Variants in RORA observed in about 807,000 individuals in gnomAD.
RORA encodes the protein nuclear receptor ROR-alpha.
In RORA, 7 loss-of-function variants were observed where a neutral mutation model predicts 69.5. The ratio of observed to expected loss-of-function variants is 0.10; its 90% CI spans 0.06 to 0.19. The LOEUF (loss-of-function observed/expected upper bound fraction) is 0.19, where lower values mean the gene tolerates loss of function less well. Among genes scored for constraint, RORA ranks in the 10% least tolerant of loss-of-function variants. The pLI, the probability that RORA is intolerant of heterozygous loss-of-function variation, is 1.00. For missense variants in RORA, 457 were observed against 663.0 expected (o/e 0.69, Z 3.41); for synonymous variants, 261 against 240.8 (o/e 1.08, Z -0.78).
Position 60,696,337 on chromosome 15 carries a change from G to A in RORA, c.167-17651C>T, listed in dbSNP as rs369892448. Among the ~76,000 whole-genome samples, 531 of 151,988 alleles carry A rather than the reference G, an allele frequency of 3.5e-3. 3 individuals carry two copies. Among genetic ancestry groups the A allele is most frequent in the African/African-American group, 0.011 (460 of 41,418 alleles). On this transcript the variant is annotated intron_variant, in intron 1 of 10. Coordinates refer to ENST00000335670, the MANE Select transcript of RORA (RefSeq NM_134261.3). ...CCCTCCTGCCATTTGATTCATTGACGAGAGTCCCACTTTCTTTCCACTTAG... is the reference window on the plus strand; with the variant it reads ...CCCTCCTGCCATTTGATTCATTGACAAGAGTCCCACTTTCTTTCCACTTAG...
intron 1 of RORA, among the ~76,000 whole-genome samples, chr15:61,056,015 C>T (rs2078091391): frequency 6.6e-6 from 1 of 152,148 alleles, no homozygotes; most frequent in Non-Finnish European, 1.5e-5. Context: ...CAATAAACAA[C>T]TCTTAAATAT....
At chr15:61,151,122 A>C (rs563870725) in intron 1 of RORA, among the ~76,000 whole-genome samples, 1 of 152,130 alleles carries the variant, frequency 6.6e-6, no homozygotes, top group Non-Finnish European at 1.5e-5. Flanking sequence ...TCTATGCCCA[A>C]TGTAGCCTTA....
At chr15:61,197,308 T>C (rs2079853927) in intron 1 of RORA, among the ~76,000 whole-genome samples, 1 of 152,184 alleles carries the variant, frequency 6.6e-6, no homozygotes, top group African/African-American at 2.4e-5. Context: ...AATAACAGGT[T>C]GCCTTACAGG....
intron 1 of RORA, among the ~76,000 whole-genome samples, chr15:61,118,722 G>A (rs1448481877): frequency 1.3e-5 from 2 of 152,134 alleles, no homozygotes; most frequent in East Asian, 3.9e-4. Flanking sequence ...CTCCTCAAGG[G>A]TGACGCTACC....
At chr15:60,709,309 T>C (rs1400271009) in intron 1 of RORA, among the ~76,000 whole-genome samples, 4 of 152,206 alleles carry the variant, frequency 2.6e-5, no homozygotes, top group Non-Finnish European at 5.9e-5. Flanking sequence ...ACAACAACTC[T>C]GAGAAACCAT....
intron 1 of RORA, among the ~76,000 whole-genome samples, chr15:61,078,490 C>T (rs1302140196): frequency 6.6e-6 from 1 of 152,182 alleles, no homozygotes; most frequent in African/African-American, 2.4e-5. Flanking sequence ...TGAGCTACTG[C>T]ACCTGGCCCA....
At chr15:61,168,455 C>A (rs1312966251) in intron 1 of RORA, among the ~76,000 whole-genome samples, 4 of 152,068 alleles carry the variant, frequency 2.6e-5, no homozygotes, top group Non-Finnish European at 5.9e-5. Flanking sequence ...GACAGGGTTT[C>A]GCCATGTTAG....
chr15:60,996,001 A>C (rs899978644), intron 1 of RORA, among the ~76,000 whole-genome samples: 1 of 152,194 alleles, frequency 6.6e-6, no homozygotes, highest in African/African-American at 2.4e-5. Flanking sequence ...AAAATGAGGA[A>C]CTAAGATATT....
chr15:60,955,431 A>G lies in RORA; in HGVS notation c.166+273622T>C, dbSNP rs1009355575. 7.9e-5 allele frequency among the ~76,000 whole-genome samples: 12 copies of G among 152,390 alleles called. 1 individual carries two copies. Among genetic ancestry groups the G allele is most frequent in the Admixed American group, 6.5e-4 (10 of 15,312 alleles). On this transcript the variant is annotated intron_variant, in intron 1 of 10. Transcript: ENST00000335670. The stretch of plus-strand genomic sequence containing the variant: ...ACATACAAAACATATAGTATATTTC[A>G]TTATATAGTAAGTACTCAATAAATA...
Position 60,824,551 on chromosome 15 carries a change from T to C in RORA, c.167-145865A>G, listed in dbSNP as rs572454338. ...TGCTCATGGCCATATGCTGTAGTGA[T>C]TAAATCAGACTAGCTGGATTCAAAT... On this transcript the variant is annotated intron_variant, in intron 1 of 10. Transcript: ENST00000335670. Among the ~76,000 whole-genome samples, 10 of 152,284 alleles carry C rather than the reference T, an allele frequency of 6.6e-5. No homozygotes were observed. In the East Asian group the frequency reaches 1.9e-3, roughly 29 times the overall value.
chr15:61,127,416 A>C (rs1237934113), intron 1 of RORA, among the ~76,000 whole-genome samples: 5 of 152,180 alleles, frequency 3.3e-5, no homozygotes, highest in Admixed American at 3.3e-4. Flanking sequence ...ACGGAGCCAC[A>C]AAAAAAGGTC....
intron 1 of RORA, among the ~76,000 whole-genome samples, chr15:60,829,284 G>A (rs77297782): frequency 0.012 from 1,840 of 152,230 alleles, 22 homozygotes; most frequent in Non-Finnish European, 0.018. Context: ...ACTGCTGCCC[G>A]GAGCACCGGC....
At chr15:60,802,661 G>C (rs2072602116) in intron 1 of RORA, among the ~76,000 whole-genome samples, 1 of 152,142 alleles carries the variant, frequency 6.6e-6, no homozygotes, top group Non-Finnish European at 1.5e-5. Context: ...GAGCCTGGTG[G>C]CTTATGTCTT....
chr15:60,699,980 T>G (rs2070959520), intron 1 of RORA, among the ~76,000 whole-genome samples: 1 of 152,200 alleles, frequency 6.6e-6, no homozygotes, highest in African/African-American at 2.4e-5. Context: ...CTGCTGAGAC[T>G]GTTCCACTAG....
intron 2 of RORA, among the ~76,000 whole-genome samples, chr15:60,579,694 G>T (rs915900885): frequency 6.6e-6 from 1 of 152,146 alleles, no homozygotes; most frequent in African/African-American, 2.4e-5. Flanking sequence ...CACTTTGGGG[G>T]TATTTTGGAT....
At chr15:61,063,440 C>T (rs904439992) in intron 1 of RORA, among the ~76,000 whole-genome samples, 18 of 152,212 alleles carry the variant, frequency 1.2e-4, no homozygotes, top group African/African-American at 4.3e-4. Flanking sequence ...TTTTATCTTT[C>T]ATTATCTAAA....
At chr15:61,067,255 GCCCATGTCA>G (rs1222165411) in intron 1 of RORA, among the ~76,000 whole-genome samples, 1 of 151,854 alleles carries the variant, frequency 6.6e-6, no homozygotes, top group African/African-American at 2.4e-5. Flanking sequence ...AAGATTACAG[GCCCATGTCA>G]CCATGCCTGG....
chr15:60,837,600 G>A (rs1035678794), intron 1 of RORA, among the ~76,000 whole-genome samples: 1 of 152,202 alleles, frequency 6.6e-6, no homozygotes, highest in African/African-American at 2.4e-5. Flanking sequence ...TTGGAGTGTA[G>A]GGGCGCACCC....
chr15:61,049,710 A>G (rs1897211465), intron 1 of RORA, among the ~76,000 whole-genome samples: 1 of 151,878 alleles, frequency 6.6e-6, no homozygotes, highest in African/African-American at 2.4e-5. Context: ...CCTAGGCTGG[A>G]GTGCAATGGC....
Sources: allele counts gnomAD v4.1 joint callset (sites outside exome capture counted in the v4.1 genomes callset), GRCh38; gene constraint gnomAD v4.1.1; transcripts MANE v1.5; gene names NCBI Gene and HGNC (gene_info 2026-07-23, HGNC 2026-07-21).